Variants in SESN1 observed in about 807,000 individuals in gnomAD.
The protein encoded by SESN1 is sestrin-1.
Under a neutral mutation model 59.3 loss-of-function variants are expected in SESN1, and 30 were observed. That is an observed-to-expected ratio of 0.51 (90% CI 0.38 to 0.69). The LOEUF is 0.69. SESN1 is among the 30% of genes least tolerant of loss of function. SESN1 has a pLI of 0.00. For synonymous variants in SESN1, 197 were observed against 219.9 expected (o/e 0.90, Z 0.92); for missense variants, 566 against 673.0 (o/e 0.84, Z 1.76).
intron 1 of SESN1, among the ~76,000 whole-genome samples, chr6:109,071,518 G>A (rs188587120): frequency 1.3e-5 from 2 of 152,080 alleles, no homozygotes; most frequent in Admixed American, 1.3e-4. Flanking sequence ...TATGGACCCC[G>A]GCAGTCTAGG....
Position 108,987,535 on chromosome 6 carries a change from G to C in SESN1, c.*9C>G, listed in dbSNP as rs769518159. 1 of 1,506,412 alleles carries C rather than the reference G, an allele frequency of 6.6e-7. No individual in the cohort carries two copies. 93.3% of individuals were successfully genotyped at this position (1,506,412 alleles called of 1,614,324 possible). On this transcript the variant is annotated 3_prime_UTR_variant, in exon 10 of 10. Coordinates refer to ENST00000436639, the MANE Select transcript of SESN1 (RefSeq NM_014454.3). ...TCATTCCAGAATCATCTTTAATGAA[G>C]GAAAGGCATCAGGTCATATAGCGGG...
intron 1 of SESN1, among the ~76,000 whole-genome samples, chr6:109,043,887 A>G (rs565927276): frequency 6.6e-6 from 1 of 152,310 alleles, no homozygotes; most frequent in African/African-American, 2.4e-5. Context: ...AGTCATACTA[A>G]CTGTTTTCAT....
chr6:109,077,073 GTATCTAAACA>G (rs1161193592), intron 1 of SESN1, among the ~76,000 whole-genome samples: 2 of 152,194 alleles, frequency 1.3e-5, no homozygotes, highest in East Asian at 1.9e-4. Context: ...AAGTATTTTT[GTATCTAAACA>G]TATCTAAACA....
At chr6:109,082,948 A>C (rs1781150538) in intron 1 of SESN1, among the ~76,000 whole-genome samples, 2 of 152,328 alleles carry the variant, frequency 1.3e-5, no homozygotes, top group African/African-American at 4.8e-5. Flanking sequence ...TTTGTTGTGC[A>C]CTTACTATGT....
intron 1 of SESN1, among the ~76,000 whole-genome samples, chr6:109,013,588 C>T (rs1448771874): frequency 6.6e-6 from 1 of 152,214 alleles, no homozygotes; most frequent in East Asian, 1.9e-4. Context: ...AAGGCATAAT[C>T]ATACTTTTAT....
At chr6:108,993,919 A>G (rs1779446267) in intron 6 of SESN1, among the ~76,000 whole-genome samples, 1 of 151,924 alleles carries the variant, frequency 6.6e-6, no homozygotes, top group Non-Finnish European at 1.5e-5. Flanking sequence ...TCTTGGGACT[A>G]TTTCCTCATA....
intron 1 of SESN1, among the ~76,000 whole-genome samples, chr6:109,024,826 T>C (rs534356533): frequency 7.5e-4 from 115 of 152,336 alleles, no homozygotes; most frequent in Non-Finnish European, 1.3e-3. Flanking sequence ...CCACAGCATT[T>C]TTCTACTGAA....
rs1231430248 is a variant in SESN1, at chr6:108,994,467, G to T, written c.1115C>A (p.Ser372Tyr). Residue 372 changes from serine to tyrosine, a missense_variant, in exon 6 of 10, where the codon TCT (serine) becomes TAT (tyrosine). By Grantham distance (144) the Ser-to-Tyr change is moderately radical (BLOSUM62 -2). Coordinates refer to ENST00000436639, the MANE Select transcript of SESN1 (RefSeq NM_014454.3). ...TATATAATGGTTGTTCTTACCTGAA[G>T]AGAAGACAAACATACTCTCTCTTTT... ...IEKRESMFVF[S>Y]SDDEEVTPAR... 5.0e-6 allele frequency: 8 copies of T among 1,611,520 alleles called. No individual in the cohort carries two copies. In the South Asian group the frequency reaches 8.8e-5, roughly 18 times the overall value.
At chr6:108,992,084 A>C (rs1052710867) in intron 7 of SESN1, among the ~76,000 whole-genome samples, 3 of 151,970 alleles carry the variant, frequency 2.0e-5, no homozygotes, top group African/African-American at 7.3e-5. Flanking sequence ...CCTTGTGCCT[A>C]AATTTTGCCC....
rs1779199630 is a variant in SESN1, at chr6:108,986,556, T to TTCAAACAAAGTTAGCGTTTTTG, written c.*966_*987dup. ...TACATATTTTCAAACCTGTTTGCAT[T>TTCAAACAAAGTTAGCGTTTTTG]TCAAACAAAGTTAGCGTTTTTGTAA... On this transcript the variant is annotated 3_prime_UTR_variant, in exon 10 of 10. Transcript: ENST00000436639. 6.6e-6 allele frequency: 1 copy of TTCAAACAAAGTTAGCGTTTTTG among 152,670 alleles called. No individual in the cohort carries two copies. The highest frequency in any genetic ancestry group is 2.1e-4 in the South Asian group (1 of 4,834). 9.5% of individuals were successfully genotyped at this position (152,670 alleles called of 1,614,324 possible).
At chr6:109,035,380 TG>T (rs1446082159) in intron 1 of SESN1, among the ~76,000 whole-genome samples, 1 of 152,148 alleles carries the variant, frequency 6.6e-6, no homozygotes, top group Non-Finnish European at 1.5e-5. Flanking sequence ...ACTACACCTC[TG>T]TGGTCCCAAA....
At chr6:109,028,254 G>T (rs1780126287) in intron 1 of SESN1, among the ~76,000 whole-genome samples, 1 of 152,160 alleles carries the variant, frequency 6.6e-6, no homozygotes, top group African/African-American at 2.4e-5. Flanking sequence ...TCTCTTCAGG[G>T]AATGGGATTA....
At chr6:109,081,285 T>A (rs1176029915) in intron 1 of SESN1, among the ~76,000 whole-genome samples, 3 of 152,146 alleles carry the variant, frequency 2.0e-5, no homozygotes, top group Admixed American at 6.6e-5. Context: ...CTCACTATGT[T>A]GCCCAAGCAG....
intron 1 of SESN1, among the ~76,000 whole-genome samples, chr6:109,035,458 G>C (rs1428624771): frequency 2.0e-5 from 3 of 151,968 alleles, no homozygotes; most frequent in East Asian, 3.9e-4. Flanking sequence ...ATATGGAGTA[G>C]GTAGGAAGAA....
At chr6:108,988,508 A>G (rs1167269804) in intron 9 of SESN1, 35 bp downstream of exon 9, 1 of 1,564,248 alleles carries the variant, frequency 6.4e-7, no homozygotes, top group Non-Finnish European at 8.7e-7. Context: ...ATCATTGCTA[A>G]GTTACAAAGT....
chr6:108,999,990 A>T (rs1426010723), intron 4 of SESN1: 3 of 152,196 alleles, frequency 2.0e-5, no homozygotes, highest in Admixed American at 6.5e-5. Context: ...AAAAAGCATG[A>T]AGAAGCCTTA....
At chr6:109,003,253 C>T (rs971709655) in intron 1 of SESN1, among the ~76,000 whole-genome samples, 1 of 151,174 alleles carries the variant, frequency 6.6e-6, no homozygotes, top group African/African-American at 2.4e-5. Context: ...TTAACCCCTT[C>T]ACTCATATAT....
At chr6:109,023,207 A>G (rs1000423669) in intron 1 of SESN1, among the ~76,000 whole-genome samples, 6 of 152,208 alleles carry the variant, frequency 3.9e-5, no homozygotes, top group Non-Finnish European at 8.8e-5. Context: ...AACTTTCTTG[A>G]TTCCATTTAT....
intron 1 of SESN1, among the ~76,000 whole-genome samples, chr6:109,063,510 G>A (rs1780765089): frequency 6.6e-6 from 1 of 152,166 alleles, no homozygotes; most frequent in Non-Finnish European, 1.5e-5. Flanking sequence ...GGGAACCACA[G>A]TTGGGGAACT....
Sources: gnomAD v4.1 joint callset for allele counts (sites outside exome capture counted in the v4.1 genomes callset) on GRCh38, gnomAD v4.1.1 for gene constraint, MANE v1.5 for transcripts, NCBI Gene and HGNC (gene_info 2026-07-23, HGNC 2026-07-21) for gene names.